The following RHOU variants were observed in gnomAD, a reference collection of about 807,000 sequenced individuals.
RHOU encodes the protein rho-related GTP-binding protein RhoU.
Under a neutral mutation model 12.6 loss-of-function variants are expected in RHOU, and 8 were observed. The observed-to-expected ratio is 0.64, with a 90% CI of 0.37 to 1.15. The LOEUF (loss-of-function observed/expected upper bound fraction) is 1.15, where lower values mean the gene tolerates loss of function less well. RHOU is among the 50% of genes most tolerant of loss of function. The probability of loss-of-function intolerance (pLI) is 0.01; values close to 1 mark genes in which losing one functional copy is unlikely to be tolerated. For synonymous variants in RHOU, 161 were observed against 147.4 expected, an observed-to-expected ratio of 1.09 and a Z score of -0.67; for missense variants, 258 against 347.0, an observed-to-expected ratio of 0.74 and a Z score of 2.04.
the RHOU span, among the ~76,000 whole-genome samples, chr1:228,658,097 T>C: frequency 1.3e-5 from 2 of 151,780 alleles, no homozygotes; most frequent in South Asian, 4.2e-4. Context: ...CAGGGCAACA[T>C]GGGAAAACCT....
At chr1:228,698,701 A>G in the RHOU span, among the ~76,000 whole-genome samples, 1 of 152,268 alleles carries the variant, frequency 6.6e-6, no homozygotes, top group African/African-American at 2.4e-5. Context: ...CTTATAGACA[A>G]AGGTTAAGAG....
At chr1:228,674,766 T>G in the RHOU span, among the ~76,000 whole-genome samples, 3 of 152,102 alleles carry the variant, frequency 2.0e-5, no homozygotes, top group African/African-American at 7.2e-5. Context: ...AGTCTCGCTC[T>G]GTCGCCCAGG....
rs747921266 is a variant in RHOU at position 228,738,262 on chromosome 1, A to T, written c.321+531A>T. 6.6e-6 allele frequency among the ~76,000 whole-genome samples: 1 copy of T among 152,160 alleles called. No individual in the cohort carries two copies. Among genetic ancestry groups the T allele is most frequent in the African/African-American group, 2.4e-5 (1 of 41,434 alleles). On this transcript the variant is annotated intron_variant, in intron 2 of 2. Transcript: ENST00000366691. This position sits in a 1 kb window ranked among gnomAD's most constrained non-coding sequence, Gnocchi z 4.2. Reference sequence around the variant, plus strand: ...CAGATACATTTGTCAGAGCAGTCCTAAGCTGGAGGGATGAACTAACTGGGC... The same window carrying T: ...CAGATACATTTGTCAGAGCAGTCCTTAGCTGGAGGGATGAACTAACTGGGC...
chr1:228,722,274 T>G, the RHOU span, among the ~76,000 whole-genome samples: 2 of 152,214 alleles, frequency 1.3e-5, no homozygotes, highest in Non-Finnish European at 2.9e-5. Flanking sequence ...TACTTAATAC[T>G]TTCTAGCTCT....
chr1:228,721,662 T>G, the RHOU span, among the ~76,000 whole-genome samples: 1 of 152,192 alleles, frequency 6.6e-6, no homozygotes, highest in Non-Finnish European at 1.5e-5. Context: ...ACTTTGGTTT[T>G]GTTTTGTTTT....
At chr1:228,721,874 G>A in the RHOU span, among the ~76,000 whole-genome samples, 4 of 152,142 alleles carry the variant, frequency 2.6e-5, no homozygotes, top group Non-Finnish European at 5.9e-5. Flanking sequence ...GGCTGGCCTC[G>A]AACCCTGACC....
At chr1:228,712,243 T>A in the RHOU span, among the ~76,000 whole-genome samples, 9 of 150,818 alleles carry the variant, frequency 6.0e-5, no homozygotes, top group Non-Finnish European at 1.0e-4. Flanking sequence ...ATTGTGGAAG[T>A]CAGTGTGGCG....
Position 228,736,024 on chromosome 1 carries a change from G to C in RHOU, c.262+20G>C. The stretch of plus-strand genomic sequence containing the variant: ...TCTCCGGTGAGCTGGCCGGGGGGCC[G>C]GGGCCGGGGGCGCGTGGCCGCGGTC... On this transcript the variant is annotated intron_variant, in intron 1 of 2. Transcript: ENST00000366691. 6.4e-7 allele frequency: 1 copy of C among 1,566,578 alleles called. No homozygotes were observed. The highest frequency in any genetic ancestry group is 8.6e-7 in the Non-Finnish European group (1 of 1,163,768).
the RHOU span, among the ~76,000 whole-genome samples, chr1:228,710,382 C>T: frequency 6.6e-6 from 1 of 152,100 alleles, no homozygotes; most frequent in South Asian, 2.1e-4. Context: ...GACCAATATC[C>T]TTGATGAACA....
chr1:228,697,851 C>A, the RHOU span, among the ~76,000 whole-genome samples: 1 of 152,228 alleles, frequency 6.6e-6, no homozygotes, highest in African/African-American at 2.4e-5. Context: ...TGTTTTGTAC[C>A]ACAAGATTTT....
the RHOU span, among the ~76,000 whole-genome samples, chr1:228,709,867 A>G: frequency 6.6e-6 from 1 of 152,200 alleles, no homozygotes; most frequent in African/African-American, 2.4e-5. Context: ...TAACGAATCC[A>G]GGAGCTGGTT....
the RHOU span, among the ~76,000 whole-genome samples, chr1:228,669,281 G>A: frequency 6.6e-5 from 10 of 152,280 alleles, no homozygotes; most frequent in Middle Eastern, 6.8e-3. Context: ...TTCATCACAG[G>A]AGTTGGACAA....
the RHOU span, among the ~76,000 whole-genome samples, chr1:228,717,637 C>T: frequency 5.9e-5 from 9 of 152,344 alleles, no homozygotes; most frequent in African/African-American, 2.2e-4. Context: ...CTGAGTTATG[C>T]CGGAGGCATG....
chr1:228,675,473 T>C, the RHOU span, among the ~76,000 whole-genome samples: 1 of 152,210 alleles, frequency 6.6e-6, no homozygotes, highest in Admixed American at 6.5e-5. Flanking sequence ...AATCTATAGA[T>C]AAATTTGTCT....
the RHOU span, among the ~76,000 whole-genome samples, chr1:228,682,316 C>T: frequency 2.0e-5 from 3 of 152,140 alleles, no homozygotes; most frequent in Admixed American, 6.5e-5. Flanking sequence ...ACTGGTCTCC[C>T]GAAGGAGTCC....
the RHOU span, chr1:228,687,474 G>A: frequency 6.4e-7 from 1 of 1,570,880 alleles, no homozygotes; most frequent in South Asian, 1.1e-5. Flanking sequence ...GAGGGAACAT[G>A]CTGAGAAACT....
At chr1:228,687,804 G>A in the RHOU span, 1 of 1,317,634 alleles carries the variant, frequency 7.6e-7, no homozygotes, top group Non-Finnish European at 1.1e-6. Context: ...GCACACCCTG[G>A]GGGACAGTGA....
the RHOU span, among the ~76,000 whole-genome samples, chr1:228,693,689 A>G: frequency 6.6e-6 from 1 of 152,144 alleles, no homozygotes; most frequent in Non-Finnish European, 1.5e-5. Flanking sequence ...GCTGGTCTCC[A>G]ACTCCTGACC....
At chr1:228,697,249 C>T in the RHOU span, among the ~76,000 whole-genome samples, 7 of 152,214 alleles carry the variant, frequency 4.6e-5, no homozygotes, top group Admixed American at 1.3e-4. Flanking sequence ...GGATTCAGAG[C>T]TCCCCCAGGA....
Sources: allele counts gnomAD v4.1 joint callset (sites outside exome capture counted in the v4.1 genomes callset), GRCh38; gene constraint gnomAD v4.1.1; non-coding constraint Gnocchi (gnomAD v3.1); transcripts MANE v1.5; gene names NCBI Gene and HGNC (gene_info 2026-07-23, HGNC 2026-07-21).